Variants in FCHO1 observed in about 807,000 individuals in gnomAD.
FCHO1 encodes the protein FCH and mu domain containing endocytic adaptor 1.
In FCHO1, 45 loss-of-function variants were observed where a neutral mutation model predicts 114.4. That is an observed-to-expected ratio of 0.39 (90% CI 0.31 to 0.50). FCHO1 has a LOEUF of 0.50. FCHO1 is among the 20% of genes least tolerant of loss of function. The pLI is 0.77. For missense variants in FCHO1, 1,042 were observed against 1,209.6 expected (o/e 0.86, Z 2.06); for synonymous variants, 480 against 488.9 (o/e 0.98, Z 0.24).
chr19:17,781,002 G>A (rs1284047815), intron 20 of FCHO1, among the ~76,000 whole-genome samples: 2 of 152,224 alleles, frequency 1.3e-5, no homozygotes, highest in Non-Finnish European at 2.9e-5. Flanking sequence ...CCAGTGATGG[G>A]GAGCTCACCC....
At chr19:17,773,906 T>C (rs905863910) in intron 11 of FCHO1, among the ~76,000 whole-genome samples, 15 of 44,544 alleles carry the variant, frequency 3.4e-4, no homozygotes, top group Non-Finnish European at 4.7e-4. Flanking sequence ...TCTCTCTCTT[T>C]TTTTTTTTTT....
At chr19:17,750,541 C>T (rs1007936794), upstream of FCHO1, among the ~76,000 whole-genome samples, 1 of 152,104 alleles carries the variant, frequency 6.6e-6, no homozygotes, top group Admixed American at 6.6e-5. Context: ...TCACTGCAAC[C>T]TCCATCTCCT....
In FCHO1 at chr19:17,787,779, G is replaced by T; in HGVS notation, c.2580G>T (p.Ser860=). 2.5e-6 allele frequency: 4 copies of T among 1,612,270 alleles called. No individual in the cohort carries two copies. Among genetic ancestry groups the T allele is most frequent in the Non-Finnish European group, 3.4e-6 (4 of 1,179,550 alleles). ...AQFTSEGTTL[S]GVDLELVGSG... ...TCACCAGCGAGGGGACCACTCTGTC[G>T]GGCGTGGACTTGGAACTGGTGGGCA... The change falls in exon 28 of 29, where the codon TCG becomes TCT. Residue 860 remains serine (S), a synonymous_variant. Coordinates refer to ENST00000596536, the MANE Select transcript of FCHO1 (RefSeq NM_015122.3).
rs1053623006 is a variant in FCHO1, at chr19:17,776,488, G to T, written c.1208-147G>T. On this transcript the variant is annotated intron_variant, in intron 17 of 28. Coordinates refer to ENST00000596536, the MANE Select transcript of FCHO1 (RefSeq NM_015122.3). This position sits in a 1 kb window ranked among gnomAD's most constrained non-coding sequence, Gnocchi z 4.4. Reference sequence around the variant, plus strand: ...GAAGCTAGCATCTGGAGACAGGCTCGCTTAGGCTTGAATCCATGTCTGCCT... The same window carrying T: ...GAAGCTAGCATCTGGAGACAGGCTCTCTTAGGCTTGAATCCATGTCTGCCT... 3.8e-6 allele frequency: 4 copies of T among 1,048,364 alleles called. No individual in the cohort carries two copies. The South Asian group carries it at 5.4e-5, about 14-fold the overall frequency. 64.9% of individuals were successfully genotyped at this position (1,048,364 alleles called of 1,614,324 possible).
In FCHO1 at chr19:17,762,581, A is replaced by C. The variant is rs997821682; in HGVS notation, c.28-181A>C. 3 of 603,760 alleles carry C rather than the reference A, an allele frequency of 5.0e-6. No individual in the cohort carries two copies. In the African/African-American group the frequency reaches 5.5e-5, roughly 11 times the overall value. The allele number at this position is 603,760 out of a possible 1,614,324, so 37.4% of individuals were successfully genotyped here. Reference sequence around the variant, plus strand: ...TCCCAGGCTTCTCTCTGATTGGACAAATTTAAGGTCCATAGACAATCCCTA... The same window carrying C: ...TCCCAGGCTTCTCTCTGATTGGACACATTTAAGGTCCATAGACAATCCCTA... On this transcript the variant is annotated intron_variant, in intron 4 of 28. Transcript: ENST00000596536.
At chr19:17,768,094 G>C (rs1318310875) in intron 7 of FCHO1, among the ~76,000 whole-genome samples, 3 of 152,140 alleles carry the variant, frequency 2.0e-5, no homozygotes, top group Non-Finnish European at 4.4e-5. Context: ...TTGAGATGGA[G>C]ACTTGCTCTG....
Position 17,772,716 on chromosome 19 carries a change from T to A in FCHO1, c.765T>A (p.Ser255Arg), listed in dbSNP as rs1599690452. ...TGCTACTCAGGAAGTTTGCAGAGAGTAAGGGCACAGGCCGGGAGAAGCCTG... is the reference window on the plus strand; with the variant it reads ...TGCTACTCAGGAAGTTTGCAGAGAGAAAGGGCACAGGCCGGGAGAAGCCTG... Reference protein sequence around the residue: ...VEMLLRKFAESKGTGREKPGP... With the variant: ...VEMLLRKFAERKGTGREKPGP... The change falls in exon 11 of 29, where the codon AGT becomes AGA. Residue 255 changes from serine to arginine, a missense_variant. Transcript: ENST00000596536. The A allele has an allele frequency of 1.2e-6, 2 of 1,613,652 alleles. No homozygotes were observed. The highest frequency in any genetic ancestry group is 1.7e-6 in the Non-Finnish European group (2 of 1,179,896).
Position 17,755,155 on chromosome 19 carries a change from G to T in FCHO1, c.-10G>T. Reference sequence around the variant, plus strand: ...CGGGGCCTGCAGGGGTCTCCACAGAGACCATCAGGATGTCGTATTTTGGGG... The same window carrying T: ...CGGGGCCTGCAGGGGTCTCCACAGATACCATCAGGATGTCGTATTTTGGGG... On this transcript the variant is annotated 5_prime_UTR_variant, in exon 4 of 29. Coordinates refer to ENST00000596536, the MANE Select transcript of FCHO1 (RefSeq NM_015122.3). 6.2e-7 allele frequency: 1 copy of T among 1,612,200 alleles called. No individual in the cohort carries two copies. Among genetic ancestry groups the T allele is most frequent in the South Asian group, 1.1e-5 (1 of 90,838 alleles).
chr19:17,771,541 T>C (rs1445131750), intron 9 of FCHO1, among the ~76,000 whole-genome samples: 4 of 151,280 alleles, frequency 2.6e-5, no homozygotes, highest in Admixed American at 1.3e-4. Flanking sequence ...TGGTGGTGGG[T>C]GCCTGTAGTC....
chr19:17,768,179 C>T (rs943853054), intron 7 of FCHO1, among the ~76,000 whole-genome samples: 5 of 152,148 alleles, frequency 3.3e-5, no homozygotes, highest in Non-Finnish European at 7.3e-5. Flanking sequence ...AGCAATTCTC[C>T]TGCCTCAGCC....
chr19:17,761,283 C>T (rs8108878), intron 4 of FCHO1, among the ~76,000 whole-genome samples: 26,320 of 151,782 alleles, frequency 0.17, 2,398 homozygotes, highest in African/African-American at 0.2. Flanking sequence ...TTGACAAGAA[C>T]AGAAAACACA....
At chr19:17,754,031 C>CTCAGG (rs2082690937) in intron 1 of FCHO1, among the ~76,000 whole-genome samples, 1 of 152,306 alleles carries the variant, frequency 6.6e-6, no homozygotes, top group African/African-American at 2.4e-5. Flanking sequence ...CAAGGTCTTG[C>CTCAGG]TCAGTCCTTT....
In FCHO1 at chr19:17,762,807, C is replaced by T; in HGVS notation, c.73C>T (p.Gln25Ter). The T allele has an allele frequency of 6.2e-7, 1 of 1,614,088 alleles. No individual in the cohort carries two copies. Among genetic ancestry groups the T allele is most frequent in the Non-Finnish European group, 8.5e-7 (1 of 1,179,956 alleles). Reference protein sequence around the residue: ...GFEVLYHSVKQGPISTKELAD... With the variant: ...GFEVLYHSVK ...TGAGGTCCTGTACCACAGCGTGAAG[C>T]AGGGGCCCATCTCCACCAAGGAGCT... Residue 25 changes from glutamine (Q) to a stop codon, truncating the protein, a stop_gained, in exon 5 of 29, where the codon CAG (glutamine) becomes TAG (stop). Transcript: ENST00000596536. LOFTEE classifies it high-confidence loss of function.
rs1408264751 is a variant in FCHO1, at chr19:17,778,704, G to T, written c.1447G>T (p.Ala483Ser). ...EDSGLDSPSH[A>S]APGPSPDSWV... is the part of the protein sequence containing the mutation. ...TTCCGGCCTGGACTCTCCGTCCCAC[G>T]CGGCACCTGGCCCCTCCCCAGATTC... Residue 483 changes from alanine to serine, a missense_variant, in exon 20 of 29, where the codon GCG becomes TCG. Transcript: ENST00000596536. 1 of 1,549,300 alleles carries T rather than the reference G, an allele frequency of 6.5e-7. No individual in the cohort carries two copies. Among genetic ancestry groups the T allele is most frequent in the East Asian group, 2.4e-5 (1 of 41,370 alleles).
intron 6 of FCHO1, among the ~76,000 whole-genome samples, chr19:17,765,674 A>G (rs1320816390): frequency 6.6e-6 from 1 of 151,826 alleles, no homozygotes; most frequent in South Asian, 2.1e-4. Flanking sequence ...CCATGCCTCA[A>G]AAAAAAACAA....
chr19:17,778,461 C>T (rs1346441070), intron 19 of FCHO1, 148 bp from the exon 20 acceptor site: 2 of 948,920 alleles, frequency 2.1e-6, no homozygotes, highest in South Asian at 1.7e-5. Context: ...AGGGAAGTCA[C>T]CAGAAGGTGT....
intron 4 of FCHO1, among the ~76,000 whole-genome samples, chr19:17,755,793 C>T (rs1384761670): frequency 6.6e-6 from 1 of 152,206 alleles, no homozygotes; most frequent in Non-Finnish European, 1.5e-5. Context: ...AGTCCCCAGT[C>T]TGGGGGACCC....
chr19:17,778,392 T>G (rs2092924827), intron 19 of FCHO1, 164 bp downstream of exon 19: 4 of 749,042 alleles, frequency 5.3e-6, no homozygotes, highest in Non-Finnish European at 6.6e-6. Flanking sequence ...GGGCCATAGA[T>G]AGGGTGGGGC....
At chr19:17,783,291 G>A in intron 24 of FCHO1, 119 bp downstream of exon 24, 1 of 1,121,506 alleles carries the variant, frequency 8.9e-7, no homozygotes, top group South Asian at 1.6e-5. Context: ...TGTAGAGACG[G>A]AGTCTTGCTC....
Sources: gnomAD v4.1 joint callset for allele counts (sites outside exome capture counted in the v4.1 genomes callset) on GRCh38, gnomAD v4.1.1 for gene constraint, Gnocchi (gnomAD v3.1) non-coding constraint, MANE v1.5 for transcripts, NCBI Gene and HGNC (gene_info 2026-07-23, HGNC 2026-07-21) for gene names.